Variants in TACR1 observed in about 807,000 individuals in gnomAD.
TACR1 encodes substance-P receptor.
Under a neutral mutation model 35.8 loss-of-function variants are expected in TACR1, and 25 were observed. The ratio of observed to expected loss-of-function variants is 0.70; its 90% confidence interval spans 0.51 to 0.98. The LOEUF is 0.98. Among genes scored for constraint, TACR1 ranks in the 50% least tolerant of loss-of-function variants. The pLI is 0.00. For synonymous variants in TACR1, 195 were observed against 206.7 expected, an observed-to-expected ratio of 0.94 and a Z score of 0.48; for missense variants, 478 against 522.9, an observed-to-expected ratio of 0.91 and a Z score of 0.84.
intron 1 of TACR1, among the ~76,000 whole-genome samples, chr2:75,159,468 C>T (rs1348556660): frequency 6.6e-6 from 1 of 152,088 alleles, no homozygotes; most frequent in African/African-American, 2.4e-5. Context: ...ACTGGAAACT[C>T]CGAGAATTCC....
chr2:75,173,830 A>G (rs1461740647), intron 1 of TACR1, among the ~76,000 whole-genome samples: 1 of 152,236 alleles, frequency 6.6e-6, no homozygotes, highest in African/African-American at 2.4e-5. Context: ...GTCAAGAGAA[A>G]GGCAGAAATG....
intron 1 of TACR1, among the ~76,000 whole-genome samples, chr2:75,146,114 C>T (rs373102824): frequency 6.6e-6 from 1 of 151,940 alleles, no homozygotes; most frequent in African/African-American, 2.4e-5. Context: ...AGAGAAGAAC[C>T]TTTTTAAAAT....
chr2:75,156,602 C>CAAAAAA (rs58048867), intron 1 of TACR1, among the ~76,000 whole-genome samples: 1 of 108,518 alleles, frequency 9.2e-6, no homozygotes, highest in Non-Finnish European at 1.8e-5. Flanking sequence ...GACTCCGTCT[C>CAAAAAA]AAAAAAAAAA....
intron 1 of TACR1, among the ~76,000 whole-genome samples, chr2:75,184,186 T>C (rs1675630081): frequency 6.6e-6 from 1 of 152,132 alleles, no homozygotes; most frequent in South Asian, 2.1e-4. Flanking sequence ...TCTAGAACAG[T>C]TGAAGATTAG....
chr2:75,057,428 C>T (rs1045067584), intron 2 of TACR1, among the ~76,000 whole-genome samples: 9 of 152,332 alleles, frequency 5.9e-5, no homozygotes, highest in African/African-American at 2.2e-4. Context: ...GTGGAATAAA[C>T]AGCCTTGTTG....
In TACR1 at chr2:75,049,305, A is replaced by C; in HGVS notation, c.*127T>G. 9.3e-7 allele frequency: 1 copy of C among 1,075,432 alleles called. No homozygotes were observed. The highest frequency in any genetic ancestry group is 2.5e-5 in the East Asian group (1 of 40,588). 66.6% of individuals were successfully genotyped at this position (1,075,432 alleles called of 1,614,324 possible). On this transcript the variant is annotated 3_prime_UTR_variant, in exon 5 of 5. Transcript: ENST00000305249. Reference sequence around the variant, plus strand: ...AAGGATGGAATGTTTTCCCTAACCCATACTGACCCTTTTTGCAAGTCCCAG... The same window carrying C: ...AAGGATGGAATGTTTTCCCTAACCCCTACTGACCCTTTTTGCAAGTCCCAG...
chr2:75,180,265 A>G (rs1476829227), intron 1 of TACR1, among the ~76,000 whole-genome samples: 1 of 152,214 alleles, frequency 6.6e-6, no homozygotes, highest in Non-Finnish European at 1.5e-5. Flanking sequence ...ATCACTCTAA[A>G]TGGAGAATAA....
intron 1 of TACR1, among the ~76,000 whole-genome samples, chr2:75,140,224 G>A (rs3755467): frequency 0.13 from 19,028 of 152,014 alleles, 1,348 homozygotes; most frequent in Middle Eastern, 0.21. Context: ...GGGGTAGGAG[G>A]CTGGGTGGAT....
chr2:75,058,800 A>C (rs1672618800), intron 2 of TACR1, among the ~76,000 whole-genome samples: 1 of 152,220 alleles, frequency 6.6e-6, no homozygotes, highest in South Asian at 2.1e-4. Context: ...TAATGCCACA[A>C]TATCTTGGTG....
intron 2 of TACR1, among the ~76,000 whole-genome samples, chr2:75,102,266 C>G (rs570251950): frequency 5.3e-5 from 8 of 152,190 alleles, no homozygotes; most frequent in African/African-American, 9.7e-5. Context: ...ATATGAGACA[C>G]TCCCACAGAA....
At chr2:75,084,174 A>G (rs1267567375) in intron 2 of TACR1, among the ~76,000 whole-genome samples, 2 of 152,192 alleles carry the variant, frequency 1.3e-5, no homozygotes, top group Non-Finnish European at 2.9e-5. Context: ...TTCTGCATCT[A>G]TTGAGATAAT....
chr2:75,160,515 C>G lies in TACR1; in HGVS notation c.389+38031G>C, dbSNP rs13418297. ...AGAAGCTGAAATAAAAAGGAACTTG[C>G]TGGGGACAAAAAGGCAGGAATAAAG... On this transcript the variant is annotated intron_variant, in intron 1 of 4. Transcript: ENST00000305249. 8.8e-3 allele frequency among the ~76,000 whole-genome samples: 1,331 copies of G among 151,800 alleles called. 26 individuals are homozygous for G. The highest frequency in any genetic ancestry group is 0.03 in the African/African-American group (1,260 of 41,416).
chr2:75,062,219 T>G (rs1232960541), intron 2 of TACR1, among the ~76,000 whole-genome samples: 2 of 152,102 alleles, frequency 1.3e-5, no homozygotes, highest in East Asian at 3.9e-4. Context: ...ACCTCTTTCT[T>G]CTTTAATAGA....
At chr2:75,186,706 A>T (rs1173651428) in intron 1 of TACR1, 3 of 151,420 alleles carry the variant, frequency 2.0e-5, no homozygotes, top group African/African-American at 7.3e-5. Context: ...TCCTTTCAGG[A>T]TCCTTCCAGA....
chr2:75,079,760 T>G (rs1673047341), intron 2 of TACR1, among the ~76,000 whole-genome samples: 1 of 143,552 alleles, frequency 7.0e-6, no homozygotes, highest in Non-Finnish European at 1.5e-5. Context: ...TTTTTTTTGG[T>G]CTCACTCTGG....
At chr2:75,193,240 C>T (rs1423232932) in intron 1 of TACR1, among the ~76,000 whole-genome samples, 1 of 152,196 alleles carries the variant, frequency 6.6e-6, no homozygotes, top group Non-Finnish European at 1.5e-5. Flanking sequence ...TCTCCAAAGA[C>T]TGAGACACAA....
At chr2:75,076,852 T>G (rs1672990202) in intron 2 of TACR1, among the ~76,000 whole-genome samples, 1 of 152,236 alleles carries the variant, frequency 6.6e-6, no homozygotes, top group African/African-American at 2.4e-5. Context: ...GTAGGATATC[T>G]CTTTTGTTAA....
intron 1 of TACR1, among the ~76,000 whole-genome samples, chr2:75,182,314 G>C (rs572791565): frequency 6.6e-6 from 1 of 152,218 alleles, no homozygotes; most frequent in Non-Finnish European, 1.5e-5. Flanking sequence ...AGGCTGGGAT[G>C]TGGACAGCAT....
chr2:75,159,366 T>C (rs1402033739), intron 1 of TACR1, among the ~76,000 whole-genome samples: 1 of 152,228 alleles, frequency 6.6e-6, no homozygotes, highest in African/African-American at 2.4e-5. Flanking sequence ...GTATTATCTT[T>C]TTATTTAAAA....
Sources: gnomAD v4.1 joint callset for allele counts (sites outside exome capture counted in the v4.1 genomes callset) on GRCh38, gnomAD v4.1.1 for gene constraint, MANE v1.5 for transcripts, NCBI Gene and HGNC (gene_info 2026-07-23, HGNC 2026-07-21) for gene names.